METAP1D: variants seen among roughly 807,000 people sequenced by gnomAD.
METAP1D encodes the protein methionine aminopeptidase 1D, mitochondrial.
Under a neutral mutation model 40.5 loss-of-function variants are expected in METAP1D, and 31 were observed. The observed-to-expected ratio is 0.77, with a 90% CI of 0.58 to 1.03. The LOEUF (loss-of-function observed/expected upper bound fraction) is 1.03. Ranked by LOEUF, METAP1D falls within the 50% of genes least tolerant of loss-of-function variation. The pLI is 0.00. For synonymous variants in METAP1D, 151 were observed against 146.4 expected (o/e 1.03, Z -0.22); for missense variants, 411 against 420.7 (o/e 0.98, Z 0.20).
intron 1 of METAP1D, among the ~76,000 whole-genome samples, chr2:172,020,264 C>T (rs552519669): frequency 7.9e-5 from 12 of 152,172 alleles, no homozygotes; most frequent in Admixed American, 2.0e-4. Context: ...GGATTACAGG[C>T]GTGAGCCACC....
chr2:172,058,702 AATG>A (rs1690055557), intron 1 of METAP1D, among the ~76,000 whole-genome samples: 1 of 152,192 alleles, frequency 6.6e-6, no homozygotes, highest in African/African-American at 2.4e-5. Context: ...TTTTTAAAGA[AATG>A]ATATTACTGA....
intron 1 of METAP1D, among the ~76,000 whole-genome samples, chr2:172,054,197 T>A (rs746117405): frequency 6.6e-6 from 1 of 152,166 alleles, no homozygotes; most frequent in Non-Finnish European, 1.5e-5. Context: ...ATATAGGGCA[T>A]GTTGTGTGCA....
At chr2:172,004,015 C>T (rs1688525541) in intron 1 of METAP1D, among the ~76,000 whole-genome samples, 1 of 152,190 alleles carries the variant, frequency 6.6e-6, no homozygotes, top group Non-Finnish European at 1.5e-5. Flanking sequence ...AGTGATCCGC[C>T]TGCCTCAGCC....
intron 2 of METAP1D, among the ~76,000 whole-genome samples, chr2:172,062,188 CA>C (rs1284982800): frequency 6.6e-6 from 1 of 151,328 alleles, no homozygotes; most frequent in African/African-American, 2.4e-5. Flanking sequence ...ATCCATTTTT[CA>C]AAATGCAATA....
intron 1 of METAP1D, among the ~76,000 whole-genome samples, chr2:172,053,181 T>C (rs1689926322): frequency 6.6e-6 from 1 of 152,214 alleles, no homozygotes; most frequent in African/African-American, 2.4e-5. Flanking sequence ...ATATAAGGCA[T>C]GGATGCATTT....
At chr2:172,011,975 A>G (rs1688736525) in intron 1 of METAP1D, among the ~76,000 whole-genome samples, 1 of 152,236 alleles carries the variant, frequency 6.6e-6, no homozygotes, top group Non-Finnish European at 1.5e-5. Context: ...AACGTTTATT[A>G]AGTACTGAAA....
At chr2:172,021,061 G>C (rs1441214439) in intron 1 of METAP1D, among the ~76,000 whole-genome samples, 2 of 151,454 alleles carry the variant, frequency 1.3e-5, no homozygotes, top group African/African-American at 4.9e-5. Context: ...AAATTGTTTT[G>C]TACTTGTCTA....
chr2:172,041,213 C>T (rs1481199447), intron 1 of METAP1D, among the ~76,000 whole-genome samples: 2 of 152,014 alleles, frequency 1.3e-5, no homozygotes, highest in Non-Finnish European at 2.9e-5. Flanking sequence ...GTAATCGCAG[C>T]ACTTGGGGAG....
chr2:172,036,208 T>A (rs1182617025), intron 1 of METAP1D, among the ~76,000 whole-genome samples: 2 of 149,838 alleles, frequency 1.3e-5, no homozygotes, highest in Non-Finnish European at 3.0e-5. Context: ...TCCCAGCTAC[T>A]TGGGAGGCTG....
rs1690145428 is a variant in METAP1D, at chr2:172,061,628, A to C, written c.171A>C (p.Ala57=). 6.2e-7 allele frequency: 1 copy of C among 1,612,776 alleles called. No homozygotes were observed. The highest frequency in any genetic ancestry group is 8.5e-7 in the Non-Finnish European group (1 of 1,179,518). Residue 57 remains alanine, a synonymous_variant, in exon 2 of 10, where the codon GCA becomes GCC. Transcript: ENST00000315796. ...DISHSIVLPA[A]VSSAHPVPKH... ...CACACAGTATAGTTTTGCCGGCTGC[A>C]GTTTCTTCAGCTCATCCGGTTCCTA...
At chr2:172,015,392 A>G (rs1688833072) in intron 1 of METAP1D, among the ~76,000 whole-genome samples, 1 of 152,186 alleles carries the variant, frequency 6.6e-6, no homozygotes, top group African/African-American at 2.4e-5. Context: ...AGCCTGGGCA[A>G]CAGTGAGACT....
Position 172,028,542 on chromosome 2 carries a change from C to CTG in METAP1D, c.40+28585_40+28586dup, listed in dbSNP as rs10529698. On this transcript the variant is annotated intron_variant, in intron 1 of 9. Transcript: ENST00000315796. ...CATGAGCAGACTTCTGTATGTGTGT[C>CTG]TGTGTGTGTGTGTGTGTGTGTGTGT... is the stretch of plus-strand genomic sequence containing the variant. Among the ~76,000 whole-genome samples, 1,278 of 141,354 alleles carry CTG rather than the reference C, an allele frequency of 9.0e-3. 12 individuals are homozygous for CTG. Among genetic ancestry groups the CTG allele is most frequent in the East Asian group, 0.01 (49 of 4,874 alleles). 92.7% of individuals were successfully genotyped at this position (141,354 alleles called of 152,430 possible).
intron 5 of METAP1D, among the ~76,000 whole-genome samples, chr2:172,067,431 T>C (rs537377752): frequency 1.1e-3 from 161 of 152,346 alleles, no homozygotes; most frequent in African/African-American, 3.7e-3. Context: ...TCATTGCTGA[T>C]GCTATTTCCT....
chr2:172,066,649 A>G (rs1231213622), intron 5 of METAP1D, among the ~76,000 whole-genome samples: 1 of 152,204 alleles, frequency 6.6e-6, no homozygotes, highest in Non-Finnish European at 1.5e-5. Context: ...GCAGCTGCTG[A>G]AGCTAGATAT....
At chr2:172,030,530 C>T (rs543240934) in intron 1 of METAP1D, among the ~76,000 whole-genome samples, 35 of 152,298 alleles carry the variant, frequency 2.3e-4, no homozygotes, top group Admixed American at 5.2e-4. Context: ...AAAATCTCTG[C>T]ATTCTTACCC....
chr2:172,061,583 TC>T lies in METAP1D; in HGVS notation c.127del (p.Arg43GlyfsTer10). 5.0e-6 allele frequency: 8 copies of T among 1,614,036 alleles called. No individual in the cohort carries two copies. The highest frequency in any genetic ancestry group is 4.2e-6 in the Non-Finnish European group (5 of 1,179,940). ...SSQQRRNFFF[R>X]RQRDISHSIV... is the part of the protein sequence containing the mutation. ...GTCAACAAAGAAGAAATTTCTTTTT[TC>T]GGAGACAAAGAGATATTTCACACAG... On this transcript the variant is annotated frameshift_variant, in exon 2 of 10. Coordinates refer to ENST00000315796, the MANE Select transcript of METAP1D (RefSeq NM_199227.3). LOFTEE classifies it high-confidence loss of function.
rs764021009 is a variant in METAP1D, at chr2:172,065,698, C to T, written c.443C>T (p.Pro148Leu). The change falls in exon 4 of 10, where the codon CCA becomes CTA. Residue 148 changes from proline to leucine, a missense_variant. Coordinates refer to ENST00000315796, the MANE Select transcript of METAP1D (RefSeq NM_199227.3). ...YPSPLGYGGF[P>L]KSVCTSVNNV... Reference sequence around the variant, plus strand: ...TCACCTCTAGGCTATGGAGGTTTTCCAAAATCTGTTTGTACCTCTGTAAAC... The same window carrying T: ...TCACCTCTAGGCTATGGAGGTTTTCTAAAATCTGTTTGTACCTCTGTAAAC... The T allele has an allele frequency of 1.4e-5, 22 of 1,613,868 alleles. No homozygotes were observed. The South Asian group carries it at 2.4e-4, about 18-fold the overall frequency.
Position 172,042,786 on chromosome 2 carries a change from CGT to C in METAP1D, c.41-18701_41-18700del, listed in dbSNP as rs1361287855. On this transcript the variant is annotated intron_variant, in intron 1 of 9. Transcript: ENST00000315796. ...GTGTGTGTGTATATGTACACATATA[CGT>C]GTGTGTGTGTATATGTACACATATA... Among the ~76,000 whole-genome samples, 18 of 22,192 alleles carry C rather than the reference CGT, an allele frequency of 8.1e-4. 8 individuals are homozygous for C. Among genetic ancestry groups the C allele is most frequent in the African/African-American group, 4.3e-3 (18 of 4,146 alleles). 14.6% of individuals were successfully genotyped at this position (22,192 alleles called of 152,430 possible).
chr2:172,012,326 C>T (rs561407589), intron 1 of METAP1D, among the ~76,000 whole-genome samples: 39 of 152,126 alleles, frequency 2.6e-4, no homozygotes, highest in Non-Finnish European at 4.9e-4. Context: ...GGACATCGCC[C>T]GAGCGCAGGG....
Sources: gnomAD v4.1 joint callset for allele counts (sites outside exome capture counted in the v4.1 genomes callset) on GRCh38, gnomAD v4.1.1 for gene constraint, MANE v1.5 for transcripts, NCBI Gene and HGNC (gene_info 2026-07-23, HGNC 2026-07-21) for gene names.